Variants in ZFAND3 observed in about 807,000 individuals in gnomAD.
ZFAND3 encodes AN1-type zinc finger protein 3.
In ZFAND3, 10 loss-of-function variants were observed where a neutral mutation model predicts 29.6. The observed-to-expected ratio is 0.34, with a 90% CI of 0.21 to 0.57. The LOEUF (loss-of-function observed/expected upper bound fraction) is 0.57. Among genes scored for constraint, ZFAND3 ranks in the 20% least tolerant of loss-of-function variants. The pLI is 0.86. For synonymous variants in ZFAND3, 128 were observed against 112.6 expected, an observed-to-expected ratio of 1.14 and a Z score of -0.87; for missense variants, 230 against 304.5, an observed-to-expected ratio of 0.76 and a Z score of 1.82.
intron 4 of ZFAND3, 91 bp downstream of exon 4, chr6:38,082,548 A>G (rs534096100): frequency 6.3e-5 from 77 of 1,223,536 alleles, no homozygotes; most frequent in Non-Finnish European, 8.5e-5. Context: ...TTCTCAGGGT[A>G]CTCTGATTTC....
chr6:38,154,372 C>T lies in ZFAND3; in HGVS notation c.*1983C>T, dbSNP rs1296894217. On this transcript the variant is annotated 3_prime_UTR_variant, in exon 6 of 6. Transcript: ENST00000287218. Reference sequence around the variant, plus strand: ...CCCATGTTCGCTTCCTGACTTAGAGCTGGGGGGGGTGGGGGGTGGGGCTTG... The same window carrying T: ...CCCATGTTCGCTTCCTGACTTAGAGTTGGGGGGGGTGGGGGGTGGGGCTTG... The T allele has an allele frequency of 3.3e-6, 3 of 899,414 alleles. No homozygotes were observed. The East Asian group carries it at 4.6e-4, about 139-fold the overall frequency. 55.7% of individuals were successfully genotyped at this position (899,414 alleles called of 1,614,324 possible). A position where few individuals can be genotyped will look rare whatever the true frequency, so the allele number is the denominator to read the frequency against.
At chr6:38,071,065 T>TTA (rs138964435) in intron 3 of ZFAND3, among the ~76,000 whole-genome samples, 2,813 of 148,742 alleles carry the variant, frequency 0.019, 27 homozygotes, top group African/African-American at 0.027. Context: ...AGGAATTCTT[T>TTA]TATATATATA....
At chr6:37,914,666 T>C (rs1486384083) in intron 1 of ZFAND3, among the ~76,000 whole-genome samples, 7 of 108,210 alleles carry the variant, frequency 6.5e-5, no homozygotes, top group African/African-American at 1.1e-4. Flanking sequence ...TTCTTTCTTT[T>C]TTTTTCTTTT....
intron 2 of ZFAND3, among the ~76,000 whole-genome samples, chr6:38,034,438 A>G (rs1763619877): frequency 6.6e-6 from 1 of 152,208 alleles, no homozygotes; most frequent in South Asian, 2.1e-4. Flanking sequence ...TTATTAGGAA[A>G]AAAGTATTTG....
intron 1 of ZFAND3, among the ~76,000 whole-genome samples, chr6:37,880,744 T>C (rs2127391840): frequency 6.6e-6 from 1 of 151,776 alleles, no homozygotes; most frequent in Middle Eastern, 3.4e-3. Flanking sequence ...ATCGTGTATA[T>C]TCTGAAAAGT....
chr6:37,946,332 G>C (rs1354275951), intron 2 of ZFAND3, among the ~76,000 whole-genome samples: 1 of 152,112 alleles, frequency 6.6e-6, no homozygotes, highest in Non-Finnish European at 1.5e-5. Flanking sequence ...GACATTATTA[G>C]CGCTTTTGTC....
At chr6:37,921,778 G>C (rs993792157) in intron 1 of ZFAND3, among the ~76,000 whole-genome samples, 6 of 151,850 alleles carry the variant, frequency 4.0e-5, no homozygotes, top group African/African-American at 1.5e-4. Context: ...AGGTGCAGTG[G>C]CTCATACCTG....
At chr6:37,860,038 A>AT (rs367545879) in intron 1 of ZFAND3, among the ~76,000 whole-genome samples, 35,645 of 134,066 alleles carry the variant, frequency 0.27, 5,165 homozygotes, top group African/African-American at 0.39. Context: ...CGCCCAGCTA[A>AT]TTTTTTTTTT....
chr6:37,950,661 G>A (rs550958428), intron 2 of ZFAND3, among the ~76,000 whole-genome samples: 4 of 152,174 alleles, frequency 2.6e-5, no homozygotes, highest in African/African-American at 9.6e-5. Flanking sequence ...TTACAAGGGT[G>A]AGCCACCGTG....
intron 2 of ZFAND3, among the ~76,000 whole-genome samples, chr6:38,057,970 A>G (rs1339706569): frequency 6.6e-6 from 1 of 152,184 alleles, no homozygotes. Flanking sequence ...TAGAAAAGGC[A>G]TAGAAGGAGT....
At chr6:37,850,887 A>G (rs1276746872) in intron 1 of ZFAND3, among the ~76,000 whole-genome samples, 1 of 152,026 alleles carries the variant, frequency 6.6e-6, no homozygotes, top group East Asian at 1.9e-4. Flanking sequence ...GGTGTGAGCC[A>G]CTGCACCTGG....
intron 2 of ZFAND3, among the ~76,000 whole-genome samples, chr6:37,941,566 T>C (rs1761811331): frequency 6.6e-6 from 1 of 152,180 alleles, no homozygotes; most frequent in African/African-American, 2.4e-5. Context: ...CATATGACTT[T>C]TAGCTCATTA....
Position 37,884,958 on chromosome 6 carries a change from A to T in ZFAND3, c.72-45001A>T, listed in dbSNP as rs778039254. ...AAATTCCATTTCTGATGGAAATGAG[A>T]TGAGTAAATCTAACAAGGCTCTTGT... On this transcript the variant is annotated intron_variant, in intron 1 of 5. Transcript: ENST00000287218. Among the ~76,000 whole-genome samples, 9 of 152,300 alleles carry T rather than the reference A, an allele frequency of 5.9e-5. No homozygotes were observed. The South Asian group carries it at 1.0e-3, about 18-fold the overall frequency.
chr6:38,123,929 TC>T (rs1388901309), intron 5 of ZFAND3, among the ~76,000 whole-genome samples: 2 of 152,082 alleles, frequency 1.3e-5, no homozygotes, highest in African/African-American at 4.8e-5. Flanking sequence ...GAACAAAGCT[TC>T]CACAGTGTGG....
chr6:37,952,385 A>G (rs11753809), intron 2 of ZFAND3, among the ~76,000 whole-genome samples: 10,030 of 151,992 alleles, frequency 0.066, 410 homozygotes, highest in Non-Finnish European at 0.095. Context: ...TCGGAACTTG[A>G]TATTGGTCTG....
intron 4 of ZFAND3, among the ~76,000 whole-genome samples, chr6:38,113,482 A>G (rs1765358564): frequency 6.6e-6 from 1 of 152,186 alleles, no homozygotes; most frequent in African/African-American, 2.4e-5. Flanking sequence ...AAATCTCAGC[A>G]TGGGATCATG....
chr6:37,989,123 G>A (rs1762717603), intron 2 of ZFAND3, among the ~76,000 whole-genome samples: 1 of 152,122 alleles, frequency 6.6e-6, no homozygotes, highest in South Asian at 2.1e-4. Flanking sequence ...GGCCAGGCGG[G>A]CCTCAAACTC....
chr6:38,031,943 C>T (rs913128370), intron 2 of ZFAND3, among the ~76,000 whole-genome samples: 3 of 151,826 alleles, frequency 2.0e-5, no homozygotes, highest in Admixed American at 6.6e-5. Context: ...GTGATCTTCC[C>T]GCCTCAGCCT....
chr6:38,023,971 A>G (rs745945381), intron 2 of ZFAND3, among the ~76,000 whole-genome samples: 9 of 152,034 alleles, frequency 5.9e-5, no homozygotes, highest in Non-Finnish European at 1.3e-4. Flanking sequence ...GGGCACTAAG[A>G]TTGAGCCTGT....
Sources: gnomAD v4.1 joint callset for allele counts (sites outside exome capture counted in the v4.1 genomes callset) on GRCh38, gnomAD v4.1.1 for gene constraint, MANE v1.5 for transcripts, NCBI Gene and HGNC (gene_info 2026-07-23, HGNC 2026-07-21) for gene names.